Variants in GNA14 observed in about 807,000 individuals in gnomAD.
GNA14 encodes guanine nucleotide-binding protein subunit alpha-14.
GNA14 carries 50 observed loss-of-function variants against 42.0 expected under a neutral mutation model. The observed-to-expected ratio is 1.19, with a 90% CI of 0.95 to 1.51. GNA14 has a LOEUF of 1.51. Ranked by LOEUF, GNA14 falls within the 40% of genes most tolerant of loss-of-function variation. GNA14 has a pLI of 0.00. For missense variants in GNA14, 473 were observed against 446.2 expected (o/e 1.06, Z -0.54); for synonymous variants, 173 against 163.1 (o/e 1.06, Z -0.46).
chr9:77,620,717 C>T (rs1044579146), intron 1 of GNA14, among the ~76,000 whole-genome samples: 1 of 151,800 alleles, frequency 6.6e-6, no homozygotes, highest in African/African-American at 2.4e-5. Flanking sequence ...CATGGTGGTG[C>T]ACACCTGTAG....
At chr9:77,484,875 A>C (rs376040324) in intron 2 of GNA14, among the ~76,000 whole-genome samples, 2 of 152,208 alleles carry the variant, frequency 1.3e-5, no homozygotes, top group African/African-American at 4.8e-5. Context: ...TATCTAAAAA[A>C]ACACTGTACG....
chr9:77,537,184 AACTGT>A, intron 1 of GNA14, among the ~76,000 whole-genome samples: 1 of 152,156 alleles, frequency 6.6e-6, no homozygotes, highest in South Asian at 2.1e-4. Flanking sequence ...TCTTCTATCT[AACTGT>A]ATGCTTGTAC....
At position 77,449,938 on chromosome 9, in the gene GNA14, G is replaced by A. The variant is rs1050455648; in HGVS notation, c.310-15416C>T. ...CCTCACAGTGACTCAGACCCCTACC[G>A]CCTCCCTGCTCAGACAAGAACCTTA... On this transcript the variant is annotated intron_variant, in intron 2 of 6. Coordinates refer to ENST00000341700, the MANE Select transcript of GNA14 (RefSeq NM_004297.4). Among the ~76,000 whole-genome samples the A allele has an allele frequency of 6.6e-5, 10 of 152,218 alleles. 1 individual carries two copies. The South Asian group carries it at 8.3e-4, about 13-fold the overall frequency.
At chr9:77,555,988 T>C (rs1822775828) in intron 1 of GNA14, among the ~76,000 whole-genome samples, 1 of 152,190 alleles carries the variant, frequency 6.6e-6, no homozygotes, top group Non-Finnish European at 1.5e-5. Context: ...CTCATGCCTG[T>C]AATCTCAACA....
At chr9:77,425,465 C>T in intron 6 of GNA14, 97 bp downstream of exon 6, 1 of 820,872 alleles carries the variant, frequency 1.2e-6, no homozygotes, top group Non-Finnish European at 1.9e-6. Context: ...TGCAGGCAGA[C>T]CAGGGAGGCC....
At chr9:77,549,401 C>T (rs1292044528) in intron 1 of GNA14, among the ~76,000 whole-genome samples, 1 of 152,148 alleles carries the variant, frequency 6.6e-6, no homozygotes, top group Non-Finnish European at 1.5e-5. Context: ...ATTCTAACAC[C>T]CTGTGGCCCT....
At chr9:77,597,344 G>C (rs1280365138) in intron 1 of GNA14, among the ~76,000 whole-genome samples, 1 of 152,026 alleles carries the variant, frequency 6.6e-6, no homozygotes, top group Non-Finnish European at 1.5e-5. Context: ...TCGTCTCATA[G>C]CCTGAGTCTC....
rs1386360990 is a variant in GNA14, at chr9:77,478,476, C to T, written c.310-43954G>A. ...AAGTCTTTGCTATTGTGAATAGTGC[C>T]GCAATAAACATACATGTGCATGTGT... is the stretch of plus-strand genomic sequence containing the variant. On this transcript the variant is annotated intron_variant, in intron 2 of 6. Transcript: ENST00000341700. 3.9e-4 allele frequency among the ~76,000 whole-genome samples: 59 copies of T among 152,076 alleles called. No individual in the cohort carries two copies. The East Asian group carries it at 5.8e-3, about 15-fold the overall frequency.
In GNA14 at chr9:77,530,304, C is replaced by T. The variant is rs1235244749; in HGVS notation, c.125-1051G>A. Among the ~76,000 whole-genome samples the T allele has an allele frequency of 3.3e-5, 5 of 152,176 alleles. No individual in the cohort carries two copies. The East Asian group carries it at 9.6e-4, about 29-fold the overall frequency. ...GTTTAAAAGTGTATGGCACCCCTCC[C>T]TCCTCACTCTCTCTTGCTCCTGCTC... On this transcript the variant is annotated intron_variant, in intron 1 of 6. Transcript: ENST00000341700.
At chr9:77,536,354 G>GTT (rs1410881313) in intron 1 of GNA14, among the ~76,000 whole-genome samples, 1 of 151,930 alleles carries the variant, frequency 6.6e-6, no homozygotes, top group African/African-American at 2.4e-5. Context: ...GGTTTTTTTT[G>GTT]TGTGTGTGTG....
At chr9:77,576,761 T>C (rs772550472) in intron 1 of GNA14, among the ~76,000 whole-genome samples, 4 of 149,770 alleles carry the variant, frequency 2.7e-5, no homozygotes, top group Non-Finnish European at 5.9e-5. Context: ...CATCCAGCAA[T>C]GACTTGGTAA....
At chr9:77,529,931 G>T (rs1837503684) in intron 1 of GNA14, among the ~76,000 whole-genome samples, 1 of 152,152 alleles carries the variant, frequency 6.6e-6, no homozygotes, top group South Asian at 2.1e-4. Context: ...ATTTGAAAAG[G>T]TAGTAAAAGT....
At chr9:77,584,341 C>A (rs1465374296) in intron 1 of GNA14, among the ~76,000 whole-genome samples, 1 of 152,090 alleles carries the variant, frequency 6.6e-6, no homozygotes, top group Non-Finnish European at 1.5e-5. Context: ...AAGTAATAAT[C>A]CCCAATTTGA....
Position 77,500,741 on chromosome 9 carries a change from GTC to G in GNA14, c.309+28326_309+28327del, listed in dbSNP as rs554691611. On this transcript the variant is annotated intron_variant, in intron 2 of 6. Transcript: ENST00000341700. ...GATTGGCTTTATTCACTTAGCATAAGTCTCTGAAGATTCATCCAGGTTGTTGC... is the reference window on the plus strand; with the variant it reads ...GATTGGCTTTATTCACTTAGCATAAGTCTGAAGATTCATCCAGGTTGTTGC... 1.8e-4 allele frequency among the ~76,000 whole-genome samples: 28 copies of G among 152,304 alleles called. No individual in the cohort carries two copies. In the South Asian group the frequency reaches 5.4e-3, roughly 29 times the overall value.
At chr9:77,539,889 G>A (rs1837638763) in intron 1 of GNA14, among the ~76,000 whole-genome samples, 1 of 151,898 alleles carries the variant, frequency 6.6e-6, no homozygotes. Context: ...TCTCTTCTTG[G>A]TTAGTCTAGC....
chr9:77,484,671 G>A (rs1381223144), intron 2 of GNA14, among the ~76,000 whole-genome samples: 1 of 152,054 alleles, frequency 6.6e-6, no homozygotes, highest in Non-Finnish European at 1.5e-5. Flanking sequence ...GACCTTCAGT[G>A]GACACCCAAA....
Position 77,625,759 on chromosome 9 carries a change from C to A in GNA14, c.124+21911G>T, listed in dbSNP as rs954263683. Among the ~76,000 whole-genome samples the A allele has an allele frequency of 1.3e-5, 2 of 152,118 alleles. 1 individual carries two copies. On this transcript the variant is annotated intron_variant, in intron 1 of 6. Coordinates refer to ENST00000341700, the MANE Select transcript of GNA14 (RefSeq NM_004297.4). ...AGCACTAAATATGGAAAGGAAAAAC[C>A]AGTACCAACCACTGCAAAAACATAT...
At chr9:77,506,362 C>T in intron 2 of GNA14, among the ~76,000 whole-genome samples, 1 of 151,292 alleles carries the variant, frequency 6.6e-6, no homozygotes, top group African/African-American at 2.4e-5. Flanking sequence ...ATCATCATTT[C>T]AACATGCAAT....
intron 2 of GNA14, among the ~76,000 whole-genome samples, chr9:77,488,259 CG>C: frequency 6.6e-6 from 1 of 152,126 alleles, no homozygotes; most frequent in Non-Finnish European, 1.5e-5. Flanking sequence ...CCAATCTACC[CG>C]GCACCAAGTG....
Sources: allele counts gnomAD v4.1 joint callset (sites outside exome capture counted in the v4.1 genomes callset), GRCh38; gene constraint gnomAD v4.1.1; transcripts MANE v1.5; gene names NCBI Gene and HGNC (gene_info 2026-07-23, HGNC 2026-07-21).